Variants in CFAP221 observed in about 807,000 individuals in gnomAD.
The protein encoded by CFAP221 is cilia and flagella associated protein 221, also known as cilia- and flagella-associated protein 221.
In CFAP221, 97 loss-of-function variants were observed where a neutral mutation model predicts 113.1. That is an observed-to-expected ratio of 0.86 (90% CI 0.73 to 1.02). The LOEUF is 1.02. CFAP221 is among the 50% of genes least tolerant of loss of function. The pLI, the probability that CFAP221 is intolerant of heterozygous loss-of-function variation, is 0.00. For synonymous variants in CFAP221, 331 were observed against 354.4 expected, an observed-to-expected ratio of 0.93 and a Z score of 0.74; for missense variants, 1,025 against 1,013.4, an observed-to-expected ratio of 1.01 and a Z score of -0.16.
chr2:119,587,332 A>G (rs1683293089), intron 7 of CFAP221, 110 bp downstream of exon 7: 1 of 646,278 alleles, frequency 1.5e-6, no homozygotes, highest in Non-Finnish European at 2.4e-6. Flanking sequence ...GACCTGATGT[A>G]AAATGGAATT....
chr2:119,635,449 A>G (rs1336863118), intron 19 of CFAP221, among the ~76,000 whole-genome samples: 1 of 152,198 alleles, frequency 6.6e-6, no homozygotes, highest in African/African-American at 2.4e-5. Context: ...TTTAGTTAAA[A>G]GTCTAGAACA....
chr2:119,601,923 C>T (rs893675404), intron 8 of CFAP221, among the ~76,000 whole-genome samples: 1 of 152,214 alleles, frequency 6.6e-6, no homozygotes, highest in Admixed American at 6.5e-5. Flanking sequence ...AAAGCACCAT[C>T]AGACTTCAAG....
At chr2:119,635,515 T>C (rs1017192377) in intron 19 of CFAP221, among the ~76,000 whole-genome samples, 1 of 151,278 alleles carries the variant, frequency 6.6e-6, no homozygotes, top group Non-Finnish European at 1.5e-5. Context: ...ATGGGTTGGG[T>C]GGATGGTGTG....
intron 14 of CFAP221, among the ~76,000 whole-genome samples, chr2:119,618,643 A>C (rs527671565): frequency 6.6e-6 from 1 of 152,164 alleles, no homozygotes; most frequent in Non-Finnish European, 1.5e-5. Context: ...CTAGGTTTCA[A>C]TCACAAAACT....
At chr2:119,615,225 G>A (rs1685444100) in intron 13 of CFAP221, among the ~76,000 whole-genome samples, 1 of 152,214 alleles carries the variant, frequency 6.6e-6, no homozygotes, top group African/African-American at 2.4e-5. Context: ...TCAGCGCTGG[G>A]CATGCAGGGC....
At chr2:119,606,529 G>A (rs952010591) in intron 11 of CFAP221, among the ~76,000 whole-genome samples, 5 of 152,004 alleles carry the variant, frequency 3.3e-5, no homozygotes, top group African/African-American at 9.7e-5. Flanking sequence ...CTCAGTTAAC[G>A]GGAAGTACTC....
At chr2:119,611,811 T>C (rs567266917) in intron 13 of CFAP221, 69 bp downstream of exon 13, 205 of 1,118,790 alleles carry the variant, frequency 1.8e-4, no homozygotes, top group Non-Finnish European at 2.4e-4. Flanking sequence ...TTTTGAATGC[T>C]AAACAATTTT....
chr2:119,625,427 C>A (rs1355783224), intron 14 of CFAP221, among the ~76,000 whole-genome samples, 156 bp from the exon 15 acceptor site: 1 of 152,192 alleles, frequency 6.6e-6, no homozygotes, highest in East Asian at 1.9e-4. Context: ...CCTGTGGCCG[C>A]AGCCTAGGGA....
At chr2:119,629,983 T>C (rs763554321) in intron 17 of CFAP221, 28 bp downstream of exon 17, 14 of 1,537,316 alleles carry the variant, frequency 9.1e-6, no homozygotes, top group Non-Finnish European at 1.2e-5. Flanking sequence ...AATTAATTAA[T>C]TGAGTTTCTT....
intron 13 of CFAP221, 24 bp from the exon 14 acceptor site, chr2:119,615,587 T>C (rs1685465894): frequency 2.7e-6 from 4 of 1,504,736 alleles, no homozygotes; most frequent in Non-Finnish European, 3.6e-6. Flanking sequence ...AAATGTAAGA[T>C]GTGCCTATAT....
intron 11 of CFAP221, among the ~76,000 whole-genome samples, chr2:119,606,352 G>A (rs919652317): frequency 3.3e-5 from 5 of 151,938 alleles, no homozygotes; most frequent in African/African-American, 1.2e-4. Flanking sequence ...TTGAGAGGCT[G>A]CCTACTCCAT....
At chr2:119,632,649 T>A (rs1574192087) in intron 19 of CFAP221, among the ~76,000 whole-genome samples, 3 of 87,814 alleles carry the variant, frequency 3.4e-5, no homozygotes, top group South Asian at 3.1e-4. Flanking sequence ...ACAAGAAAAA[T>A]AAATAAAAGG....
At chr2:119,563,197 A>G (rs905469456) in intron 6 of CFAP221, among the ~76,000 whole-genome samples, 2 of 152,172 alleles carry the variant, frequency 1.3e-5, no homozygotes, top group African/African-American at 4.8e-5. Context: ...CATATAACCT[A>G]TGCACATTCT....
intron 13 of CFAP221, among the ~76,000 whole-genome samples, chr2:119,613,326 T>C (rs1685308046): frequency 6.6e-6 from 1 of 152,206 alleles, no homozygotes; most frequent in African/African-American, 2.4e-5. Flanking sequence ...CAGTAGGCAG[T>C]GCCCCAGTGG....
chr2:119,627,862 C>T (rs113950976), intron 16 of CFAP221, 76 bp downstream of exon 16: 1 of 1,567,354 alleles, frequency 6.4e-7, no homozygotes, highest in Non-Finnish European at 8.7e-7. Context: ...GCAAGCCCTA[C>T]CTCAGTCTCA....
chr2:119,569,139 T>C (rs1439773320), intron 6 of CFAP221, among the ~76,000 whole-genome samples: 1 of 152,086 alleles, frequency 6.6e-6, no homozygotes, highest in African/African-American at 2.4e-5. Context: ...TATTTATTTA[T>C]TTATTTATTT....
At chr2:119,572,812 T>G in intron 6 of CFAP221, 1 of 501,478 alleles carries the variant, frequency 2.0e-6, no homozygotes, top group South Asian at 3.7e-5. Flanking sequence ...AAGTGGACCA[T>G]GTACTCATCT....
intron 6 of CFAP221, 191 bp from the exon 7 acceptor site, chr2:119,586,928 C>T: frequency 2.3e-6 from 1 of 430,076 alleles, no homozygotes. Context: ...AATCACGGCA[C>T]CACCTCATAG....
chr2:119,544,697 GC>G (rs1679925273), intron 1 of CFAP221, among the ~76,000 whole-genome samples, 187 bp downstream of exon 1: 1 of 152,174 alleles, frequency 6.6e-6, no homozygotes, highest in Non-Finnish European at 1.5e-5. Context: ...CGGGCCTGGG[GC>G]GACCCTGACC....
Sources: gnomAD v4.1 joint callset for allele counts (sites outside exome capture counted in the v4.1 genomes callset) on GRCh38, gnomAD v4.1.1 for gene constraint, MANE v1.5 for transcripts, NCBI Gene and HGNC (gene_info 2026-07-23, HGNC 2026-07-21) for gene names.